The following EXOC1 variants were observed in gnomAD, a reference collection of about 807,000 sequenced individuals.
EXOC1 encodes the protein SEC3-like 1.
In EXOC1, 67 loss-of-function variants were observed where a neutral mutation model predicts 107.7. The observed-to-expected ratio is 0.62, with a 90% CI of 0.51 to 0.76. The LOEUF (loss-of-function observed/expected upper bound fraction) is 0.76, where lower values mean the gene tolerates loss of function less well. Ranked by LOEUF, EXOC1 falls within the 30% of genes least tolerant of loss-of-function variation. The pLI, the probability that EXOC1 is intolerant of heterozygous loss-of-function variation, is 0.00. For synonymous variants in EXOC1, 348 were observed against 353.5 expected, an observed-to-expected ratio of 0.98 and a Z score of 0.17; for missense variants, 833 against 1,055.7, an observed-to-expected ratio of 0.79 and a Z score of 2.92.
chr4:55,876,180 G>C, intron 8 of EXOC1: 1 of 985,252 alleles, frequency 1.0e-6, no homozygotes, highest in Non-Finnish European at 1.2e-6. Flanking sequence ...GAAAAGATAT[G>C]GTAGCCCAGG....
chr4:55,867,403 A>G (rs1179989926), intron 4 of EXOC1, among the ~76,000 whole-genome samples: 1 of 152,210 alleles, frequency 6.6e-6, no homozygotes, highest in South Asian at 2.1e-4. Context: ...TACTAAAAGC[A>G]TCCAGAGTTT....
chr4:55,876,869 C>T (rs1722948706), intron 8 of EXOC1: 1 of 985,050 alleles, frequency 1.0e-6, no homozygotes, highest in Admixed American at 6.2e-5. Context: ...AGAAAATTTT[C>T]CAACAGACTG....
chr4:55,877,183 C>A (rs578015227), intron 8 of EXOC1: 1 of 984,384 alleles, frequency 1.0e-6, no homozygotes, highest in East Asian at 1.1e-4. Flanking sequence ...GATACACATT[C>A]ATAATTAGCT....
At position 55,868,644 on chromosome 4, in the gene EXOC1, A is replaced by G. The variant is rs974177358; in HGVS notation, c.603+121A>G. ...TAGTGTGTTATTGCCATCTTTATCT[A>G]TAAGCACATTACCAGCTGCCATCAG... On this transcript the variant is annotated intron_variant, in intron 5 of 18. Transcript: ENST00000381295. The G allele has an allele frequency of 9.3e-6, 7 of 748,972 alleles. No individual in the cohort carries two copies. In the African/African-American group the frequency reaches 1.1e-4, roughly 12 times the overall value. 46.4% of individuals were successfully genotyped at this position (748,972 alleles called of 1,614,324 possible).
intron 9 of EXOC1, chr4:55,883,310 C>A (rs942512182): frequency 6.6e-6 from 1 of 152,154 alleles, no homozygotes; most frequent in African/African-American, 2.4e-5. Context: ...TTCCCATACA[C>A]TTTGACCCTG....
chr4:55,903,260 G>A (rs1355645820), intron 18 of EXOC1, among the ~76,000 whole-genome samples: 13 of 152,006 alleles, frequency 8.6e-5, no homozygotes, highest in Non-Finnish European at 7.4e-5. Context: ...ATGGGTAGTG[G>A]AGCCAGATTT....
At chr4:55,872,072 A>G in intron 8 of EXOC1, 114 bp downstream of exon 8, 9 of 947,800 alleles carry the variant, frequency 9.5e-6, no homozygotes, top group Non-Finnish European at 1.2e-5. Context: ...CAATTCCTTC[A>G]CATATTTGAT....
At chr4:55,865,747 C>G (rs1382554475) in intron 4 of EXOC1, among the ~76,000 whole-genome samples, 2 of 151,838 alleles carry the variant, frequency 1.3e-5, no homozygotes, top group Non-Finnish European at 2.9e-5. Flanking sequence ...ACATACCCTA[C>G]CTGGATCTGC....
intron 3 of EXOC1, 141 bp from the exon 4 acceptor site, chr4:55,864,086 A>G (rs997156974): frequency 5.2e-5 from 31 of 595,892 alleles, no homozygotes; most frequent in Non-Finnish European, 8.0e-5. Flanking sequence ...TGAATTCTCC[A>G]AACTCTTCCT....
At chr4:55,875,117 A>G (rs73238383) in intron 8 of EXOC1, among the ~76,000 whole-genome samples, 8,169 of 152,232 alleles carry the variant, frequency 0.054, 323 homozygotes, top group Non-Finnish European at 0.083. Context: ...CCAGGAAAAA[A>G]CTGAAGTTGT....
At chr4:55,879,403 C>G (rs1171489308) in intron 9 of EXOC1, among the ~76,000 whole-genome samples, 1 of 152,186 alleles carries the variant, frequency 6.6e-6, no homozygotes, top group Non-Finnish European at 1.5e-5. Flanking sequence ...CAGAGCGTTC[C>G]TATTGTGCTT....
intron 7 of EXOC1, 62 bp downstream of exon 7, chr4:55,871,295 T>C: frequency 6.4e-7 from 1 of 1,551,216 alleles, no homozygotes; most frequent in Non-Finnish European, 8.7e-7. Flanking sequence ...TGTAACTTGT[T>C]ATAAAGGTTT....
intron 5 of EXOC1, among the ~76,000 whole-genome samples, chr4:55,869,299 G>C (rs1286805956): frequency 6.6e-6 from 1 of 152,176 alleles, no homozygotes; most frequent in East Asian, 1.9e-4. Flanking sequence ...CTGGAAGACA[G>C]AGGTTGCCGT....
At chr4:55,859,939 G>T (rs1035912254) in intron 2 of EXOC1, among the ~76,000 whole-genome samples, 1 of 152,148 alleles carries the variant, frequency 6.6e-6, no homozygotes, top group Non-Finnish European at 1.5e-5. Context: ...AAATTCTTAG[G>T]CCAGGAGCAG....
intron 5 of EXOC1, 85 bp downstream of exon 5, chr4:55,868,608 TTAAGCCTTTA>T: frequency 8.0e-7 from 1 of 1,251,880 alleles, no homozygotes; most frequent in East Asian, 2.5e-5. Flanking sequence ...ACCTCAGCAC[TTAAGCCTTTA>T]TAGTGTGTTA....
chr4:55,868,466 C>T lies in EXOC1; in HGVS notation c.546C>T (p.Ile182=). 1 of 1,613,704 alleles carries T rather than the reference C, an allele frequency of 6.2e-7. No individual in the cohort carries two copies. Among genetic ancestry groups the T allele is most frequent in the South Asian group, 1.1e-5 (1 of 91,060 alleles). The change falls in exon 5 of 19, where the codon ATC becomes ATT. Residue 182 remains isoleucine (I), a synonymous_variant. Transcript: ENST00000381295. ...EIMMEGCEYA[I]SNAEAFAEKL... ...TGATGGAAGGCTGTGAATATGCAAT[C>T]TCGAATGCGGAAGCCTTTGCAGAAA...
At chr4:55,866,967 T>C (rs554085857) in intron 4 of EXOC1, 99 of 834,756 alleles carry the variant, frequency 1.2e-4, no homozygotes, top group Non-Finnish European at 1.3e-4. Context: ...TGGTTGTATG[T>C]TTTATGAAAT....
chr4:55,888,927 CAG>C lies in EXOC1; in HGVS notation c.1375_1375+1del, dbSNP rs1415837275. The C allele has an allele frequency of 5.0e-6, 8 of 1,613,502 alleles. No homozygotes were observed. The highest frequency in any genetic ancestry group is 4.2e-6 in the Non-Finnish European group (5 of 1,179,590). On this transcript the variant is annotated frameshift_variant, in exon 11 of 19. Coordinates refer to ENST00000381295, the MANE Select transcript of EXOC1 (RefSeq NM_001024924.2). LOFTEE classifies it high-confidence loss of function. ...AAAGAAAGTGCTGTCAAACAGGAAACAGAGAGTGAGTATGCTTAGTGTATTAG... is the reference window on the plus strand; with the variant it reads ...AAAGAAAGTGCTGTCAAACAGGAAACAGAGTGAGTATGCTTAGTGTATTAG...
intron 3 of EXOC1, among the ~76,000 whole-genome samples, chr4:55,861,303 C>G (rs1463517235): frequency 6.6e-6 from 1 of 152,086 alleles, no homozygotes; most frequent in East Asian, 1.9e-4. Flanking sequence ...ACTTGTATGT[C>G]GATGGGATGA....
Sources: gnomAD v4.1 joint callset for allele counts (sites outside exome capture counted in the v4.1 genomes callset) on GRCh38, gnomAD v4.1.1 for gene constraint, MANE v1.5 for transcripts, NCBI Gene and HGNC (gene_info 2026-07-23, HGNC 2026-07-21) for gene names.